GSK3B: variants seen among roughly 807,000 people sequenced by gnomAD.
GSK3B encodes the protein glycogen synthase kinase-3 beta.
Under a neutral mutation model 56.4 loss-of-function variants are expected in GSK3B, and 15 were observed. That is an observed-to-expected ratio of 0.27 (90% CI 0.18 to 0.41). The LOEUF is 0.41. GSK3B is among the 10% of genes least tolerant of loss of function. The probability of loss-of-function intolerance (pLI) is 1.00; values close to 1 mark genes in which losing one functional copy is unlikely to be tolerated. For missense variants in GSK3B, 300 were observed against 513.4 expected (o/e 0.58, Z 4.02); for synonymous variants, 181 against 188.9 (o/e 0.96, Z 0.34).
chr3:120,060,594 C>G (rs1234411135), intron 1 of GSK3B, among the ~76,000 whole-genome samples: 4 of 152,048 alleles, frequency 2.6e-5, no homozygotes, highest in Non-Finnish European at 5.9e-5. Flanking sequence ...GGCATGGTGG[C>G]ACACACTGGT....
chr3:119,907,873 A>C (rs1304872139), intron 6 of GSK3B, among the ~76,000 whole-genome samples: 1 of 152,180 alleles, frequency 6.6e-6, no homozygotes. Flanking sequence ...TCACTGTCAC[A>C]GAATAACAGC....
chr3:120,047,537 G>A (rs1297781214), intron 1 of GSK3B, among the ~76,000 whole-genome samples: 2 of 152,124 alleles, frequency 1.3e-5, no homozygotes, highest in African/African-American at 4.8e-5. Context: ...TAAGATTTAT[G>A]ATCTATCCTC....
chr3:119,947,414 A>G, intron 2 of GSK3B, 63 bp from the exon 3 acceptor site: 1 of 1,006,096 alleles, frequency 9.9e-7, no homozygotes, highest in Non-Finnish European at 1.6e-6. Flanking sequence ...ATATTGAACA[A>G]GATGCTTCTG....
intron 2 of GSK3B, among the ~76,000 whole-genome samples, chr3:120,000,290 A>G (rs1394768506): frequency 6.6e-6 from 1 of 152,254 alleles, no homozygotes; most frequent in Non-Finnish European, 1.5e-5. Context: ...TTGAGTCTTA[A>G]AAGTTAAGTC....
At chr3:120,071,551 G>A (rs1240470813) in intron 1 of GSK3B, among the ~76,000 whole-genome samples, 3 of 152,098 alleles carry the variant, frequency 2.0e-5, no homozygotes, top group Admixed American at 6.5e-5. Flanking sequence ...CTATTGTAAA[G>A]CACACATGCG....
intron 1 of GSK3B, among the ~76,000 whole-genome samples, chr3:120,073,809 A>C (rs1405044987): frequency 6.6e-6 from 1 of 152,220 alleles, no homozygotes; most frequent in Admixed American, 6.5e-5. Flanking sequence ...TTGCCTTAGA[A>C]GACTGTGATG....
At chr3:120,045,478 C>T (rs952686256) in intron 1 of GSK3B, among the ~76,000 whole-genome samples, 1 of 152,054 alleles carries the variant, frequency 6.6e-6, no homozygotes, top group Non-Finnish European at 1.5e-5. Flanking sequence ...CACTGTAACT[C>T]ACCTTCCCCT....
At chr3:120,028,143 A>G (rs533275104) in intron 1 of GSK3B, among the ~76,000 whole-genome samples, 1 of 152,342 alleles carries the variant, frequency 6.6e-6, no homozygotes, top group Admixed American at 6.5e-5. Context: ...TGACAAGAAA[A>G]TAACTTGGCT....
chr3:120,068,738 T>C (rs902671335), intron 1 of GSK3B, among the ~76,000 whole-genome samples: 1 of 151,176 alleles, frequency 6.6e-6, no homozygotes, highest in African/African-American at 2.4e-5. Context: ...TAATAATAAA[T>C]TGGGGGTTAG....
chr3:119,960,527 T>C (rs2107505175), intron 2 of GSK3B, among the ~76,000 whole-genome samples: 1 of 152,358 alleles, frequency 6.6e-6, no homozygotes, highest in African/African-American at 2.4e-5. Flanking sequence ...CTAATTGTGA[T>C]AATGTACTAT....
rs1355041129 is a variant in GSK3B at position 119,857,637 on chromosome 3, T to C, written c.1096+5782A>G. Among the ~76,000 whole-genome samples, 4 of 152,224 alleles carry C rather than the reference T, an allele frequency of 2.6e-5. No homozygotes were observed. The East Asian group carries it at 7.7e-4, about 29-fold the overall frequency. On this transcript the variant is annotated intron_variant, in intron 9 of 10. Coordinates refer to ENST00000264235, the MANE Select transcript of GSK3B (RefSeq NM_001146156.2). ...AGCCCCTCAGAGTTATCCATGAGGCTTGGGATTAACTTCTTCCAAAATCTT... is the reference window on the plus strand; with the variant it reads ...AGCCCCTCAGAGTTATCCATGAGGCCTGGGATTAACTTCTTCCAAAATCTT...
chr3:119,835,049 T>A (rs561002295), intron 10 of GSK3B, among the ~76,000 whole-genome samples: 2 of 152,328 alleles, frequency 1.3e-5, no homozygotes, highest in African/African-American at 4.8e-5. Flanking sequence ...GAAGTCTGTA[T>A]TTCAAATGCA....
intron 2 of GSK3B, among the ~76,000 whole-genome samples, chr3:119,993,034 A>G (rs1026771368): frequency 1.1e-4 from 15 of 134,712 alleles, no homozygotes; most frequent in Non-Finnish European, 2.0e-4. Context: ...AAAAAGGATG[A>G]AAAAAAAAAA....
intron 1 of GSK3B, among the ~76,000 whole-genome samples, chr3:120,078,529 T>C (rs180674272): frequency 6.6e-6 from 1 of 151,056 alleles, no homozygotes; most frequent in Admixed American, 6.6e-5. Flanking sequence ...AGAAATATCA[T>C]ACTAGAACTT....
intron 1 of GSK3B, among the ~76,000 whole-genome samples, chr3:120,074,978 T>C (rs1479027619): frequency 2.0e-5 from 3 of 152,222 alleles, no homozygotes; most frequent in Non-Finnish European, 4.4e-5. Flanking sequence ...TGATGAACAC[T>C]GATGATACAA....
chr3:119,909,623 T>C (rs1168383740), intron 6 of GSK3B, among the ~76,000 whole-genome samples: 1 of 151,740 alleles, frequency 6.6e-6, no homozygotes. Context: ...CTAAACATCT[T>C]GGGTGACGAC....
At chr3:119,885,230 T>C (rs1231384980) in intron 7 of GSK3B, among the ~76,000 whole-genome samples, 1 of 142,058 alleles carries the variant, frequency 7.0e-6, no homozygotes, top group Non-Finnish European at 1.5e-5. Context: ...AACAACACAA[T>C]CCTATTTACA....
intron 1 of GSK3B, among the ~76,000 whole-genome samples, chr3:120,069,268 A>G (rs991396708): frequency 1.3e-5 from 2 of 152,194 alleles, no homozygotes; most frequent in African/African-American, 2.4e-5. Flanking sequence ...TGGCTATTTC[A>G]AAGTAGGAAA....
At chr3:119,842,921 AT>A (rs896165475) in intron 10 of GSK3B, among the ~76,000 whole-genome samples, 79 of 147,578 alleles carry the variant, frequency 5.4e-4, no homozygotes, top group Admixed American at 3.7e-3. Context: ...GAAAAACAGA[AT>A]TTTTTTTTTT....
Sources: gnomAD v4.1 joint callset for allele counts (sites outside exome capture counted in the v4.1 genomes callset) on GRCh38, gnomAD v4.1.1 for gene constraint, MANE v1.5 for transcripts, NCBI Gene and HGNC (gene_info 2026-07-23, HGNC 2026-07-21) for gene names.